The following LPAR6 variants were observed in gnomAD, a reference collection of about 807,000 sequenced individuals.
LPAR6 encodes G-protein coupled purinergic receptor P2Y5.
Under a neutral mutation model 22.0 loss-of-function variants are expected in LPAR6, and 17 were observed. The observed-to-expected ratio is 0.77, with a 90% CI of 0.53 to 1.16. The LOEUF is 1.16. Among genes scored for constraint, LPAR6 ranks in the 50% most tolerant of loss-of-function variants. LPAR6 has a pLI of 0.00. For synonymous variants in LPAR6, 136 were observed against 139.8 expected, an observed-to-expected ratio of 0.97 and a Z score of 0.19; for missense variants, 384 against 406.9, an observed-to-expected ratio of 0.94 and a Z score of 0.48.
At chr13:48,420,250 G>A (rs974305361) in intron 2 of LPAR6, among the ~76,000 whole-genome samples, 10 of 152,100 alleles carry the variant, frequency 6.6e-5, no homozygotes, top group Non-Finnish European at 1.2e-4. Flanking sequence ...ATCAATAAAC[G>A]TAATCCATCA....
intron 1 of LPAR6, among the ~76,000 whole-genome samples, chr13:48,405,099 T>C (rs547891809): frequency 8.1e-4 from 124 of 152,150 alleles, no homozygotes; most frequent in African/African-American, 2.4e-3. Flanking sequence ...AGGGAAATCA[T>C]AAGACCTAAT....
intron 1 of LPAR6, among the ~76,000 whole-genome samples, chr13:48,398,683 G>A (rs1948666953): frequency 6.6e-6 from 1 of 152,004 alleles, no homozygotes; most frequent in Non-Finnish European, 1.5e-5. Context: ...CTGGTTTCTA[G>A]TAAAGGTCTC....
upstream of LPAR6, among the ~76,000 whole-genome samples, chr13:48,429,713 A>T (rs559126785): frequency 6.6e-6 from 1 of 152,320 alleles, no homozygotes; most frequent in Non-Finnish European, 1.5e-5. Flanking sequence ...TTTCCTGCTT[A>T]GCTTTTTAAA....
upstream of LPAR6, among the ~76,000 whole-genome samples, chr13:48,429,970 A>G (rs529760527): frequency 1.3e-5 from 2 of 152,370 alleles, no homozygotes; most frequent in Admixed American, 1.3e-4. Flanking sequence ...CTATACATTT[A>G]ATGCCAATCC....
intron 1 of LPAR6, among the ~76,000 whole-genome samples, chr13:48,425,876 C>T (rs1949072188): frequency 6.6e-6 from 1 of 152,054 alleles, no homozygotes; most frequent in Non-Finnish European, 1.5e-5. Context: ...TTTTACAGAC[C>T]AAGAAACTAA....
exon 2 of LPAR6, chr13:48,389,694 C>G (rs2138156590): frequency 6.6e-6 from 1 of 152,318 alleles, no homozygotes. Flanking sequence ...GGGTCCACTT[C>G]CAAGATGCTT....
chr13:48,440,740 A>C (rs1436142418), intron 1 of LPAR6, among the ~76,000 whole-genome samples: 1 of 152,192 alleles, frequency 6.6e-6, no homozygotes, highest in African/African-American at 2.4e-5. Context: ...GGTAAAAAAG[A>C]GACATCTCTT....
chr13:48,438,177 T>C (rs1324995651), intron 1 of LPAR6, among the ~76,000 whole-genome samples: 1 of 152,188 alleles, frequency 6.6e-6, no homozygotes, highest in Non-Finnish European at 1.5e-5. Context: ...ATTTTAGCAT[T>C]ATGGAAAGAA....
chr13:48,418,084 T>C (rs1410957750), upstream of LPAR6, among the ~76,000 whole-genome samples: 2 of 152,060 alleles, frequency 1.3e-5, no homozygotes, highest in Non-Finnish European at 2.9e-5. Context: ...AATCGTCAGA[T>C]TCACCAAGGT....
downstream of LPAR6, among the ~76,000 whole-genome samples, chr13:48,408,467 GA>G (rs1948759191): frequency 6.6e-6 from 1 of 152,018 alleles, no homozygotes; most frequent in African/African-American, 2.4e-5. Context: ...ACCGTTTTAT[GA>G]AAATGTTAAT....
chr13:48,426,975 A>T (rs996950308), upstream of LPAR6: 3 of 152,504 alleles, frequency 2.0e-5, no homozygotes, highest in Admixed American at 6.5e-5. Context: ...TCACGTGGTG[A>T]CAATAGGAGC....
chr13:48,395,965 T>C (rs953759287), intron 1 of LPAR6, among the ~76,000 whole-genome samples: 33 of 151,964 alleles, frequency 2.2e-4, no homozygotes, highest in African/African-American at 8.0e-4. Context: ...GGAAAAAATA[T>C]TAAGAGCAGC....
At chr13:48,430,990 A>T (rs1949124300), upstream of LPAR6, among the ~76,000 whole-genome samples, 1 of 152,158 alleles carries the variant, frequency 6.6e-6, no homozygotes, top group Non-Finnish European at 1.5e-5. Flanking sequence ...TCTAGTGTTT[A>T]AAAAAAGATA....
chr13:48,406,126 A>G (rs115757449), downstream of LPAR6, among the ~76,000 whole-genome samples: 484 of 151,924 alleles, frequency 3.2e-3, 2 homozygotes, highest in African/African-American at 0.011. Context: ...GTATGTATGT[A>G]TGTGTGTGTT....
intron 1 of LPAR6, among the ~76,000 whole-genome samples, chr13:48,405,369 C>T (rs183903173): frequency 1.8e-3 from 276 of 152,170 alleles, no homozygotes; most frequent in African/African-American, 5.9e-3. Flanking sequence ...CTTTTTTCCT[C>T]GGGCTTTTGA....
downstream of LPAR6, among the ~76,000 whole-genome samples, chr13:48,409,913 A>T (rs1256134224): frequency 6.6e-6 from 1 of 152,114 alleles, no homozygotes; most frequent in African/African-American, 2.4e-5. Context: ...GTTGGATAAT[A>T]AAAAAGTTTT....
intron 1 of LPAR6, among the ~76,000 whole-genome samples, chr13:48,422,982 T>G (rs1474377712): frequency 7.2e-5 from 11 of 151,870 alleles, no homozygotes. Context: ...TTCCAAAAAT[T>G]AGCCAAGTGT....
upstream of LPAR6, among the ~76,000 whole-genome samples, chr13:48,428,737 A>T (rs538623435): frequency 6.6e-6 from 1 of 152,324 alleles, no homozygotes; most frequent in South Asian, 2.1e-4. Context: ...TATTTATTTA[A>T]AAAGTTTGCA....
chr13:48,395,557 A>G (rs1343771288), intron 1 of LPAR6, among the ~76,000 whole-genome samples: 1 of 151,926 alleles, frequency 6.6e-6, no homozygotes, highest in Admixed American at 6.6e-5. Context: ...AACTGAAAAA[A>G]CACAACACGA....
Sources: gnomAD v4.1 joint callset for allele counts (sites outside exome capture counted in the v4.1 genomes callset) on GRCh38, gnomAD v4.1.1 for gene constraint, MANE v1.5 for transcripts, NCBI Gene and HGNC (gene_info 2026-07-23, HGNC 2026-07-21) for gene names.